The following CHD9 variants were observed in gnomAD, a reference collection of about 807,000 sequenced individuals.
CHD9 encodes the protein ATP-dependent chromatin remodeler CHD9.
A neutral mutation model predicts 316.1 loss-of-function variants in CHD9; 77 were observed. The ratio of observed to expected loss-of-function variants is 0.24; its 90% CI spans 0.20 to 0.29. The LOEUF (loss-of-function observed/expected upper bound fraction) is 0.29. Among genes scored for constraint, CHD9 ranks in the 10% least tolerant of loss-of-function variants. The pLI, the probability that CHD9 is intolerant of heterozygous loss-of-function variation, is 1.00. For missense variants in CHD9, 2,763 were observed against 3,438.1 expected (o/e 0.80, Z 4.91); for synonymous variants, 1,129 against 1,158.3 (o/e 0.97, Z 0.51).
intron 1 of CHD9, among the ~76,000 whole-genome samples, chr16:53,126,815 A>G (rs2038988027): frequency 6.6e-6 from 1 of 152,030 alleles, no homozygotes; most frequent in South Asian, 2.1e-4. Flanking sequence ...AGTAGCTAGG[A>G]TTACAGGCAT....
intron 1 of CHD9, among the ~76,000 whole-genome samples, chr16:53,091,737 G>A (rs2035959947): frequency 6.6e-6 from 1 of 152,282 alleles, no homozygotes; most frequent in Middle Eastern, 3.4e-3. Context: ...CGAGTGCCTG[G>A]TGGGCAGCAT....
chr16:53,294,736 G>A (rs2054631183), intron 29 of CHD9, among the ~76,000 whole-genome samples: 1 of 152,304 alleles, frequency 6.6e-6, no homozygotes, highest in Non-Finnish European at 1.5e-5. Context: ...CCCAGATTTA[G>A]GGGAAAGGGA....
intron 9 of CHD9, 39 bp downstream of exon 9, chr16:53,231,544 T>C (rs551838949): frequency 7.0e-5 from 99 of 1,413,254 alleles, no homozygotes; most frequent in Non-Finnish European, 8.9e-5. Context: ...GTAAGAAAAA[T>C]CTGAAACTTT....
At chr16:53,273,852 T>C (rs2052532679) in intron 23 of CHD9, 67 bp downstream of exon 23, 5 of 1,411,434 alleles carry the variant, frequency 3.5e-6, no homozygotes, top group Non-Finnish European at 4.8e-6. Context: ...TAATACTCTT[T>C]AAGCTTGCTG....
At chr16:53,228,070 G>A (rs1178368237) in intron 7 of CHD9, among the ~76,000 whole-genome samples, 2 of 151,380 alleles carry the variant, frequency 1.3e-5, no homozygotes, top group Non-Finnish European at 2.9e-5. Flanking sequence ...TGGCGACAGA[G>A]CGAGACTCCG....
At chr16:53,160,831 CG>C (rs1215389358) in intron 2 of CHD9, among the ~76,000 whole-genome samples, 2 of 152,208 alleles carry the variant, frequency 1.3e-5, no homozygotes, top group East Asian at 3.9e-4. Context: ...CGCTTGAACC[CG>C]GGAGGCTGAG....
chr16:53,199,192 C>T (rs1043162501), intron 2 of CHD9, among the ~76,000 whole-genome samples: 1 of 152,020 alleles, frequency 6.6e-6, no homozygotes, highest in African/African-American at 2.4e-5. Flanking sequence ...AAAACTGTTA[C>T]AGTCATAGTT....
chr16:53,107,261 A>C (rs940263684), intron 1 of CHD9, among the ~76,000 whole-genome samples: 3 of 151,776 alleles, frequency 2.0e-5, no homozygotes, highest in African/African-American at 7.3e-5. Flanking sequence ...GGAGTTCAAG[A>C]CCAGCCTGAC....
At chr16:53,068,843 T>A (rs1411342361) in intron 1 of CHD9, among the ~76,000 whole-genome samples, 1 of 152,204 alleles carries the variant, frequency 6.6e-6, no homozygotes, top group Admixed American at 6.5e-5. Context: ...TGGGCCTAAC[T>A]GGGCAGCCTC....
intron 2 of CHD9, among the ~76,000 whole-genome samples, chr16:53,206,756 C>G (rs1255345186): frequency 6.6e-6 from 1 of 152,172 alleles, no homozygotes; most frequent in Non-Finnish European, 1.5e-5. Context: ...TGTTTGCTCT[C>G]TCAGTTCCAT....
chr16:53,160,675 G>A (rs572488365), intron 2 of CHD9, among the ~76,000 whole-genome samples: 13 of 152,282 alleles, frequency 8.5e-5, no homozygotes, highest in African/African-American at 2.6e-4. Flanking sequence ...GGGAGGCCGC[G>A]GTGGGTGGAT....
rs542981933 is a variant in CHD9 at position 53,066,646 on chromosome 16, T to C, written c.-165+11569T>C. Among the ~76,000 whole-genome samples the C allele has an allele frequency of 4.0e-5, 6 of 151,654 alleles. No homozygotes were observed. In the South Asian group the frequency reaches 1.0e-3, roughly 27 times the overall value. ...AGGCACCATATTTAACCTCAGGGAG[T>C]CTGGGAGGAGAGCCATACAGTCTTC... On this transcript the variant is annotated intron_variant, in intron 1 of 38. Transcript: ENST00000447540.
intron 1 of CHD9, among the ~76,000 whole-genome samples, chr16:53,105,219 A>T (rs2037238703): frequency 6.6e-6 from 1 of 152,180 alleles, no homozygotes; most frequent in Non-Finnish European, 1.5e-5. Flanking sequence ...ATATATAGTG[A>T]GGTGTCTCCC....
intron 11 of CHD9, among the ~76,000 whole-genome samples, chr16:53,236,589 T>G (rs1014568266): frequency 2.0e-5 from 3 of 151,662 alleles, no homozygotes; most frequent in African/African-American, 7.3e-5. Flanking sequence ...TCTCTCTCTC[T>G]TTCTCTTTCT....
chr16:53,323,897 A>T, intron 38 of CHD9, 123 bp from the exon 39 acceptor site: 1 of 777,534 alleles, frequency 1.3e-6, no homozygotes, highest in Admixed American at 2.7e-5. Context: ...TTGATTATTT[A>T]ATATCAGTAC....
In CHD9 at chr16:53,177,016, C is replaced by T. The variant is rs1005516520; in HGVS notation, c.1452+19475C>T. Among the ~76,000 whole-genome samples the T allele has an allele frequency of 3.3e-5, 5 of 152,104 alleles. No homozygotes were observed. The East Asian group carries it at 5.8e-4, about 18-fold the overall frequency. On this transcript the variant is annotated intron_variant, in intron 2 of 38. Transcript: ENST00000447540. Reference sequence around the variant, plus strand: ...TGTCGCCCAGGCTGGAGTGCAGAGGCGCCATCTCGGCTCAATGCAGCCTCC... The same window carrying T: ...TGTCGCCCAGGCTGGAGTGCAGAGGTGCCATCTCGGCTCAATGCAGCCTCC...
At chr16:53,280,690 A>C (rs1002338422) in intron 24 of CHD9, among the ~76,000 whole-genome samples, 5 of 152,134 alleles carry the variant, frequency 3.3e-5, no homozygotes, top group African/African-American at 1.2e-4. Context: ...TTAAAAAAAA[A>C]AAAAGAAATT....
rs1403797866 is a variant in CHD9 at position 53,274,314 on chromosome 16, A to C, written c.4967+12A>C. The C allele has an allele frequency of 1.3e-6, 2 of 1,509,686 alleles. No homozygotes were observed. Among genetic ancestry groups the C allele is most frequent in the African/African-American group, 1.4e-5 (1 of 71,418 alleles). The allele number at this position is 1,509,686 out of a possible 1,614,324, so 93.5% of individuals were successfully genotyped here. A position where few individuals can be genotyped will look rare whatever the true frequency, so the allele number is the denominator to read the frequency against. On this transcript the variant is annotated intron_variant, in intron 24 of 38. Transcript: ENST00000447540. The stretch of plus-strand genomic sequence containing the variant: ...GGAGTTGATGCAAGGTAAGTTAAAC[A>C]ATTTTTATTATTTTTGTTTGTTTGT...
At chr16:53,091,001 ACC>A (rs5816887) in intron 1 of CHD9, among the ~76,000 whole-genome samples, 3,444 of 147,138 alleles carry the variant, frequency 0.023, 160 homozygotes, top group African/African-American at 0.081. Context: ...GGAACAGCTC[ACC>A]CCCCCCCGAC....
Sources: allele counts gnomAD v4.1 joint callset (sites outside exome capture counted in the v4.1 genomes callset), GRCh38; gene constraint gnomAD v4.1.1; transcripts MANE v1.5; gene names NCBI Gene and HGNC (gene_info 2026-07-23, HGNC 2026-07-21).